CHM: variants seen among roughly 807,000 people sequenced by gnomAD.
The protein encoded by CHM is rab proteins geranylgeranyltransferase component A 1.
A neutral mutation model predicts 49.0 loss-of-function variants in CHM; 10 were observed. That is an observed-to-expected ratio of 0.20 (90% CI 0.13 to 0.35). The LOEUF is 0.35. Ranked by LOEUF, CHM falls within the 10% of genes least tolerant of loss-of-function variation. CHM has a pLI of 1.00. For synonymous variants in CHM, 184 were observed against 167.5 expected (o/e 1.10, Z -0.76); for missense variants, 455 against 478.4 (o/e 0.95, Z 0.46).
chrX:85,928,585 G>GTAT (rs751203772), intron 8 of CHM, among the ~76,000 whole-genome samples: 2 of 112,167 alleles, frequency 1.8e-5, no homozygotes, highest in African/African-American at 6.5e-5. Context: ...TAACTGAACT[G>GTAT]TATTAATGCT....
At chrX:85,954,051 A>G (rs73506438) in intron 8 of CHM, among the ~76,000 whole-genome samples, 4,779 of 111,900 alleles carry the variant, frequency 0.043, 258 homozygotes, top group African/African-American at 0.15. Flanking sequence ...ACCAGAATAT[A>G]TAAGTAGCTC....
chrX:86,022,100 A>G (rs1458031098), intron 2 of CHM, among the ~76,000 whole-genome samples: 1 of 111,934 alleles, frequency 8.9e-6, no homozygotes, highest in Non-Finnish European at 1.9e-5. Flanking sequence ...AGAGCTCTGG[A>G]GATCTGTTGC....
intron 11 of CHM, among the ~76,000 whole-genome samples, chrX:85,899,688 C>CT (rs1333168181): frequency 1.5e-5 from 1 of 66,634 alleles, no homozygotes; most frequent in African/African-American, 6.6e-5. Context: ...CCACCCCCCG[C>CT]CCCAAAAAAA....
intron 2 of CHM, among the ~76,000 whole-genome samples, chrX:86,023,547 C>T (rs1933690593): frequency 9.0e-6 from 1 of 111,406 alleles, no homozygotes; most frequent in South Asian, 3.8e-4. Context: ...AATAGCATAG[C>T]ATGTGTGTCT....
At chrX:86,035,879 C>T (rs998371359) in intron 1 of CHM, among the ~76,000 whole-genome samples, 1 of 104,158 alleles carries the variant, frequency 9.6e-6, no homozygotes. Context: ...CTGCAACCTC[C>T]GCCTCCCGGG....
intron 3 of CHM, among the ~76,000 whole-genome samples, chrX:85,980,124 T>A (rs1164789900): frequency 9.0e-6 from 1 of 111,416 alleles, no homozygotes; most frequent in Non-Finnish European, 1.9e-5. Flanking sequence ...CCAAATGTAT[T>A]TTTTTTAATT....
chrX:85,877,224 C>G (rs148105191), intron 13 of CHM, among the ~76,000 whole-genome samples: 1,729 of 110,815 alleles, frequency 0.016, 38 homozygotes, highest in African/African-American at 0.052. Context: ...TAAATTAACC[C>G]CCAAATTAAA....
At chrX:85,942,724 G>C (rs1471519791) in intron 8 of CHM, among the ~76,000 whole-genome samples, 1 of 107,765 alleles carries the variant, frequency 9.3e-6, no homozygotes, top group Non-Finnish European at 1.9e-5. Context: ...GAAACCAATG[G>C]GGATGGGGAC....
At chrX:86,024,029 C>T (rs931961360) in intron 2 of CHM, among the ~76,000 whole-genome samples, 2 of 111,463 alleles carry the variant, frequency 1.8e-5, no homozygotes, top group Non-Finnish European at 3.8e-5. Context: ...AAAACCTGGG[C>T]ATAGTTGTGA....
chrX:85,914,644 C>A (rs939044538), intron 8 of CHM, among the ~76,000 whole-genome samples: 1 of 111,029 alleles, frequency 9.0e-6, no homozygotes, highest in Non-Finnish European at 1.9e-5. Context: ...CACAGTCCCA[C>A]TGACACACTG....
intron 12 of CHM, among the ~76,000 whole-genome samples, chrX:85,881,291 T>C (rs1924744256): frequency 8.9e-6 from 1 of 112,017 alleles, no homozygotes; most frequent in African/African-American, 3.2e-5. Flanking sequence ...GAAGTACCAA[T>C]TGATAATCTC....
intron 2 of CHM, among the ~76,000 whole-genome samples, chrX:85,997,178 C>T (rs1480042820): frequency 1.8e-5 from 2 of 111,537 alleles, no homozygotes; most frequent in Non-Finnish European, 3.8e-5. Flanking sequence ...TATTGCATTG[C>T]GGCCACTCCA....
At chrX:85,907,968 C>T (rs754981059) in intron 9 of CHM, among the ~76,000 whole-genome samples, 5 of 111,223 alleles carry the variant, frequency 4.5e-5, no homozygotes, top group South Asian at 3.9e-4. Context: ...TGGAGACTGA[C>T]AGAGGGTTCT....
intron 8 of CHM, among the ~76,000 whole-genome samples, chrX:85,912,131 T>A (rs1927067461): frequency 9.0e-6 from 1 of 111,694 alleles, no homozygotes; most frequent in South Asian, 3.8e-4. Flanking sequence ...ATTAATATTA[T>A]CAGTAGTCTG....
chrX:85,865,530 G>T (rs1603231286), intron 14 of CHM, among the ~76,000 whole-genome samples: 1 of 111,766 alleles, frequency 8.9e-6, no homozygotes, highest in South Asian at 3.8e-4. Flanking sequence ...CAGGAGTGGG[G>T]TACTGCTAAA....
Position 85,956,340 on chromosome X carries a change from G to T in CHM, c.979C>A (p.Gln327Lys). Residue 327 changes from glutamine to lysine, a missense_variant, in exon 8 of 15, where the codon CAA becomes AAA. By Grantham distance (53) the Gln-to-Lys change is moderately conservative. Coordinates refer to ENST00000357749, the MANE Select transcript of CHM (RefSeq NM_000390.4). ...EITFYEYLKT[Q>K]KLTPNLQYIV... The stretch of plus-strand genomic sequence containing the variant: ...TATTGGAGGTTGGGGGTTAATTTTT[G>T]AGTCTTTAAATATTCATAAAATGTG... 8.3e-7 allele frequency: 1 copy of T among 1,210,734 alleles called. No individual in the cohort carries two copies. Among genetic ancestry groups the T allele is most frequent in the South Asian group, 1.8e-5 (1 of 56,894 alleles).
rs754745311 is a variant in CHM at position 85,897,257 on chromosome X, G to GTATA, written c.1414-2977_1414-2974dup. 2.3e-3 allele frequency among the ~76,000 whole-genome samples: 224 copies of GTATA among 96,891 alleles called. 2 individuals are homozygous for GTATA. Among genetic ancestry groups the GTATA allele is most frequent in the African/African-American group, 8.4e-3 (222 of 26,412 alleles). The allele number at this position is 96,891 out of a possible 115,157, so 84.1% of individuals were successfully genotyped here. On this transcript the variant is annotated intron_variant, in intron 11 of 14. Coordinates refer to ENST00000357749, the MANE Select transcript of CHM (RefSeq NM_000390.4). Reference sequence around the variant, plus strand: ...ACTAGCATATATGAAATAGAAAGTAGTATATATATATATACTAGCATATAT... The same window carrying GTATA: ...ACTAGCATATATGAAATAGAAAGTAGTATATATATATATATATACTAGCATATAT...
chrX:85,908,128 T>G (rs1926716818), intron 9 of CHM, among the ~76,000 whole-genome samples: 1 of 112,106 alleles, frequency 8.9e-6, no homozygotes, highest in South Asian at 3.7e-4. Flanking sequence ...AGGAGACAAA[T>G]GCAAATCTTT....
In CHM at chrX:85,963,936, T is replaced by C; in HGVS notation, c.431A>G (p.Glu144Gly). The C allele has an allele frequency of 8.3e-7, 1 of 1,211,169 alleles. No homozygotes were observed. The highest frequency in any genetic ancestry group is 3.0e-5 in the East Asian group (1 of 33,823). ...ADSAFLPTED[E>G]SLSTMSCEML... Reference sequence around the variant, plus strand: ...TTCACAGCTCATAGTGCTTAATGACTCATCCTCCGTAGGCAGGAAGGCAGA... The same window carrying C: ...TTCACAGCTCATAGTGCTTAATGACCCATCCTCCGTAGGCAGGAAGGCAGA... Residue 144 changes from glutamate to glycine, a missense_variant, in exon 5 of 15, where the codon GAG (glutamate) becomes GGG (glycine). By Grantham distance (98) the Glu-to-Gly change is moderately conservative. Coordinates refer to ENST00000357749, the MANE Select transcript of CHM (RefSeq NM_000390.4).
Sources: allele counts gnomAD v4.1 joint callset (sites outside exome capture counted in the v4.1 genomes callset), GRCh38; gene constraint gnomAD v4.1.1; transcripts MANE v1.5; gene names NCBI Gene and HGNC (gene_info 2026-07-23, HGNC 2026-07-21).